The following FSD1L variants were observed in gnomAD, a reference collection of about 807,000 sequenced individuals.
FSD1L encodes the protein FSD1-like protein.
Under a neutral mutation model 71.6 loss-of-function variants are expected in FSD1L, and 45 were observed. That is an observed-to-expected ratio of 0.63 (90% CI 0.49 to 0.81). The LOEUF (loss-of-function observed/expected upper bound fraction) is 0.81, where lower values mean the gene tolerates loss of function less well. Among genes scored for constraint, FSD1L ranks in the 30% least tolerant of loss-of-function variants. The pLI, the probability that FSD1L is intolerant of heterozygous loss-of-function variation, is 0.00. For missense variants in FSD1L, 561 were observed against 618.1 expected, an observed-to-expected ratio of 0.91 and a Z score of 0.98; for synonymous variants, 197 against 207.2, an observed-to-expected ratio of 0.95 and a Z score of 0.42.
intron 10 of FSD1L, chr9:105,530,496 A>C (rs1399100062): frequency 1.6e-6 from 1 of 643,394 alleles, no homozygotes; most frequent in East Asian, 2.9e-5. Context: ...TTATTTCTTT[A>C]CTACTGGTAA....
intron 1 of FSD1L, 23 bp from the exon 2 acceptor site, chr9:105,461,497 C>T: frequency 7.6e-7 from 1 of 1,324,358 alleles, no homozygotes; most frequent in Non-Finnish European, 1.0e-6. Flanking sequence ...GCTATTGGCT[C>T]CTACTGTATT....
At chr9:105,500,185 C>A (rs924718659) in intron 7 of FSD1L, among the ~76,000 whole-genome samples, 1 of 152,170 alleles carries the variant, frequency 6.6e-6, no homozygotes, top group Non-Finnish European at 1.5e-5. Flanking sequence ...TCTGCCATAT[C>A]TGAGTCTTGT....
chr9:105,521,645 C>T (rs1168353988), intron 10 of FSD1L: 5 of 1,613,196 alleles, frequency 3.1e-6, no homozygotes, highest in Non-Finnish European at 4.2e-6. Flanking sequence ...ACCTCCCTTG[C>T]ATTGAAAATG....
In FSD1L at chr9:105,549,616, T is replaced by C. The variant is rs1564163855; in HGVS notation, c.*3133T>C. 1 of 152,016 alleles carries C rather than the reference T, an allele frequency of 6.6e-6. No homozygotes were observed. Among genetic ancestry groups the C allele is most frequent in the Non-Finnish European group, 1.5e-5 (1 of 67,908 alleles). 9.4% of individuals were successfully genotyped at this position (152,016 alleles called of 1,614,324 possible). ...ACTCTGTTATGCAAACAGTAATTTT[T>C]CCCTATGTTATGAAGAGAGACATAT... On this transcript the variant is annotated 3_prime_UTR_variant, in exon 14 of 14. Transcript: ENST00000481272.
At chr9:105,446,553 T>A (rs1829652686), upstream of FSD1L, among the ~76,000 whole-genome samples, 1 of 151,476 alleles carries the variant, frequency 6.6e-6, no homozygotes, top group African/African-American at 2.4e-5. Flanking sequence ...TTAATTTCTG[T>A]AGAGATGGGG....
intron 2 of FSD1L, among the ~76,000 whole-genome samples, chr9:105,462,779 TC>T (rs1830794428): frequency 6.7e-6 from 1 of 150,036 alleles, no homozygotes; most frequent in Admixed American, 6.6e-5. Flanking sequence ...TGCCTGGGCC[TC>T]CCATAGCGCA....
At position 105,468,284 on chromosome 9, in the gene FSD1L, G is replaced by A; in HGVS notation, c.299G>A (p.Cys100Tyr). 1.3e-6 allele frequency: 2 copies of A among 1,491,736 alleles called. No homozygotes were observed. The highest frequency in any genetic ancestry group is 1.8e-6 in the Non-Finnish European group (2 of 1,126,286). The allele number at this position is 1,491,736 out of a possible 1,614,324, so 92.4% of individuals were successfully genotyped here. The change falls in exon 4 of 14, where the codon TGT becomes TAT. Residue 100 changes from cysteine to tyrosine, a missense_variant. Physicochemically the swap from Cys to Tyr is radical, Grantham distance 194. Transcript: ENST00000481272. ...GAAGTAAAAGAAAGTATGATTAACT[G>A]TATCAAGCAGGAACAAGCTCGTAAA... Reference protein sequence around the residue: ...LDEVKESMINCIKQEQARKSQ... With the variant: ...LDEVKESMINYIKQEQARKSQ...
chr9:105,479,380 T>A lies in FSD1L; in HGVS notation c.464+4T>A, dbSNP rs1388187873. Reference sequence around the variant, plus strand: ...CTGCCAGACAGATCAAGGATAGGTATGGTATAAAACACATTTTTACTTAAG... The same window carrying A: ...CTGCCAGACAGATCAAGGATAGGTAAGGTATAAAACACATTTTTACTTAAG... On this transcript the variant is annotated splice_donor_region_variant and intron_variant, in intron 6 of 13. Transcript: ENST00000481272. 2.1e-5 allele frequency: 33 copies of A among 1,548,850 alleles called. No homozygotes were observed. Among genetic ancestry groups the A allele is most frequent in the Non-Finnish European group, 2.8e-5 (32 of 1,144,844 alleles).
intron 7 of FSD1L, among the ~76,000 whole-genome samples, chr9:105,490,394 T>C (rs569960418): frequency 6.6e-6 from 1 of 152,348 alleles, no homozygotes; most frequent in African/African-American, 2.4e-5. Context: ...CATTGTAGAT[T>C]CTGGATACCT....
intron 10 of FSD1L, among the ~76,000 whole-genome samples, chr9:105,531,213 T>C (rs1835875002): frequency 6.6e-6 from 1 of 152,208 alleles, no homozygotes; most frequent in Non-Finnish European, 1.5e-5. Flanking sequence ...TTTAGTAGTT[T>C]ATGGTAAGTC....
chr9:105,447,071 C>T (rs548734494), upstream of FSD1L, among the ~76,000 whole-genome samples: 73 of 152,158 alleles, frequency 4.8e-4, no homozygotes, highest in African/African-American at 1.6e-3. Flanking sequence ...CACCTGTAAT[C>T]CTAGCAATTT....
upstream of FSD1L, among the ~76,000 whole-genome samples, chr9:105,445,073 C>G (rs1829613153): frequency 6.6e-6 from 1 of 152,090 alleles, no homozygotes; most frequent in Non-Finnish European, 1.5e-5. Context: ...AAAATAAGTA[C>G]AGAAAAGGCA....
chr9:105,479,219 A>G (rs1437611975), intron 5 of FSD1L, 135 bp from the exon 6 acceptor site: 3 of 655,480 alleles, frequency 4.6e-6, no homozygotes, highest in African/African-American at 3.7e-5. Flanking sequence ...AATTTTCTAT[A>G]GTTTGTGTTT....
intron 3 of FSD1L, among the ~76,000 whole-genome samples, chr9:105,465,566 G>T (rs1831003114): frequency 6.6e-6 from 1 of 152,166 alleles, no homozygotes; most frequent in South Asian, 2.1e-4. Flanking sequence ...CCATGATCCA[G>T]TAGGATTTAT....
chr9:105,517,660 A>T (rs1203490125), intron 10 of FSD1L, among the ~76,000 whole-genome samples: 1 of 152,230 alleles, frequency 6.6e-6, no homozygotes, highest in Non-Finnish European at 1.5e-5. Context: ...TCATGAAGGA[A>T]GCACTAAACA....
chr9:105,489,957 A>G (rs574139459), intron 7 of FSD1L, among the ~76,000 whole-genome samples: 13 of 152,304 alleles, frequency 8.5e-5, no homozygotes, highest in East Asian at 5.8e-4. Context: ...TAGTGCTGCA[A>G]TAAACATACG....
chr9:105,458,005 G>A (rs144698451), intron 1 of FSD1L, among the ~76,000 whole-genome samples: 121 of 152,338 alleles, frequency 7.9e-4, no homozygotes, highest in African/African-American at 2.6e-3. Flanking sequence ...CCAAGGGGTC[G>A]GGGGCAGGGG....
intron 7 of FSD1L, among the ~76,000 whole-genome samples, chr9:105,495,350 G>T (rs189664384): frequency 6.6e-6 from 1 of 152,150 alleles, no homozygotes; most frequent in African/African-American, 2.4e-5. Context: ...AAAGCCCGTC[G>T]GAAAAGTGCA....
chr9:105,543,730 G>T (rs1166796457), intron 13 of FSD1L, among the ~76,000 whole-genome samples: 2 of 152,098 alleles, frequency 1.3e-5, no homozygotes, highest in Admixed American at 1.3e-4. Flanking sequence ...ATGGTTTCCA[G>T]CTTCATCCAT....
Sources: allele counts gnomAD v4.1 joint callset (sites outside exome capture counted in the v4.1 genomes callset), GRCh38; gene constraint gnomAD v4.1.1; transcripts MANE v1.5; gene names NCBI Gene and HGNC (gene_info 2026-07-23, HGNC 2026-07-21).